The following SORBS2 variants were observed in gnomAD, a reference collection of about 807,000 sequenced individuals.
SORBS2 encodes sorbin and SH3 domain containing 2, also known as sorbin and SH3 domain-containing protein 2.
A neutral mutation model predicts 97.7 loss-of-function variants in SORBS2; 46 were observed. The ratio of observed to expected loss-of-function variants is 0.47; its 90% CI spans 0.37 to 0.60. SORBS2 has a LOEUF of 0.60. Ranked by LOEUF, SORBS2 falls within the 20% of genes least tolerant of loss-of-function variation. The pLI, the probability that SORBS2 is intolerant of heterozygous loss-of-function variation, is 0.00. For missense variants in SORBS2, 1,316 were observed against 1,282.3 expected (o/e 1.03, Z -0.40); for synonymous variants, 476 against 473.4 (o/e 1.01, Z -0.07).
intron 2 of SORBS2, among the ~76,000 whole-genome samples, chr4:185,725,655 A>G (rs2098549914): frequency 1.3e-5 from 2 of 152,152 alleles, no homozygotes; most frequent in South Asian, 2.1e-4. Context: ...TTCATATAGT[A>G]CTTATTAATA....
intron 6 of SORBS2, among the ~76,000 whole-genome samples, chr4:185,625,151 C>T (rs2096789749): frequency 6.6e-6 from 1 of 152,126 alleles, no homozygotes; most frequent in South Asian, 2.1e-4. Flanking sequence ...ACGAATTTAC[C>T]TCTTAAATTG....
At chr4:185,751,172 TAAAAAA>T (rs71593649) in intron 2 of SORBS2, among the ~76,000 whole-genome samples, 1 of 31,706 alleles carries the variant, frequency 3.2e-5, no homozygotes, top group African/African-American at 1.1e-4. Flanking sequence ...CTCTAAATAC[TAAAAAA>T]AAAAAAAAAA....
At chr4:185,879,170 C>A (rs1337127217) in intron 1 of SORBS2, among the ~76,000 whole-genome samples, 9 of 98,748 alleles carry the variant, frequency 9.1e-5, no homozygotes, top group Non-Finnish European at 1.4e-4. Context: ...ATCCCTCCCC[C>A]CCCCCCACCC....
intron 1 of SORBS2, among the ~76,000 whole-genome samples, chr4:185,783,955 C>T (rs2099043661): frequency 6.6e-6 from 1 of 152,188 alleles, no homozygotes; most frequent in Admixed American, 6.5e-5. Context: ...CCTTCTGCCT[C>T]CTGAGGATCC....
At chr4:185,731,437 G>T (rs1273996212) in intron 2 of SORBS2, among the ~76,000 whole-genome samples, 1 of 145,016 alleles carries the variant, frequency 6.9e-6, no homozygotes, top group Non-Finnish European at 1.5e-5. Context: ...CTTTTAGAAA[G>T]TGTTCTCTCC....
chr4:185,882,488 A>G (rs1361558137), intron 1 of SORBS2, among the ~76,000 whole-genome samples: 1 of 152,196 alleles, frequency 6.6e-6, no homozygotes, highest in Admixed American at 6.5e-5. Flanking sequence ...AGAAGACTCA[A>G]TATTGTTAAG....
At chr4:185,650,520 A>T (rs184518088) in intron 2 of SORBS2, among the ~76,000 whole-genome samples, 2 of 152,230 alleles carry the variant, frequency 1.3e-5, no homozygotes, top group Non-Finnish European at 2.9e-5. Context: ...GTACAAAGTA[A>T]TATATCACTG....
intron 1 of SORBS2, among the ~76,000 whole-genome samples, chr4:185,786,648 G>A (rs1476754483): frequency 6.6e-6 from 1 of 152,164 alleles, no homozygotes; most frequent in Non-Finnish European, 1.5e-5. Context: ...ATCTCCCTGA[G>A]CCTGGATTTC....
chr4:185,723,193 G>C (rs2098529569), intron 2 of SORBS2, among the ~76,000 whole-genome samples: 1 of 152,140 alleles, frequency 6.6e-6, no homozygotes, highest in African/African-American at 2.4e-5. Flanking sequence ...TATCGTATTT[G>C]GGGCACAACT....
At chr4:185,695,327 T>C (rs2098160981) in intron 2 of SORBS2, among the ~76,000 whole-genome samples, 1 of 152,162 alleles carries the variant, frequency 6.6e-6, no homozygotes, top group South Asian at 2.1e-4. Flanking sequence ...TGTATGAAAC[T>C]ACAGGACTGA....
At chr4:185,791,221 CA>C (rs1446891078) in intron 1 of SORBS2, among the ~76,000 whole-genome samples, 1 of 152,024 alleles carries the variant, frequency 6.6e-6, no homozygotes, top group East Asian at 1.9e-4. Flanking sequence ...ATAAATTTAC[CA>C]CCTACATAAG....
At chr4:185,766,513 TCACATA>T (rs2098934878) in intron 2 of SORBS2, among the ~76,000 whole-genome samples, 1 of 59,704 alleles carries the variant, frequency 1.7e-5, no homozygotes, top group Non-Finnish European at 3.5e-5. Context: ...AATTGTATAT[TCACATA>T]TTTTTGTAAT....
At position 185,623,146 on chromosome 4, in the gene SORBS2, C is replaced by A. The variant is rs1238058295; in HGVS notation, c.1983G>T (p.Leu661=). The A allele has an allele frequency of 6.2e-7, 1 of 1,614,136 alleles. No individual in the cohort carries two copies. Residue 661 remains leucine, a synonymous_variant, in exon 7 of 15, where the codon CTG becomes CTT. Transcript: ENST00000418609. The surrounding 1 kb of genome is among the most constrained non-coding windows in gnomAD (Gnocchi z 6.4). ...GCAGCAGCTCACTGATGAGGCGGTG[C>A]AGGATGCTGTTGTCCGGCAAGCTCC...
intron 2 of SORBS2, among the ~76,000 whole-genome samples, chr4:185,681,088 C>T (rs375889356): frequency 2.0e-4 from 30 of 152,182 alleles, no homozygotes; most frequent in African/African-American, 7.0e-4. Flanking sequence ...GCCATTGAGT[C>T]GAACTTCAGG....
intron 11 of SORBS2, among the ~76,000 whole-genome samples, chr4:185,613,107 G>A (rs2096567422): frequency 6.6e-6 from 1 of 152,202 alleles, no homozygotes; most frequent in Admixed American, 6.5e-5. Flanking sequence ...AAGTAGGCAG[G>A]CAAGTTGATG....
intron 1 of SORBS2, among the ~76,000 whole-genome samples, chr4:185,873,758 G>A (rs192390560): frequency 7.9e-5 from 12 of 152,262 alleles, no homozygotes; most frequent in Admixed American, 7.2e-4. Context: ...CTAGAATAAT[G>A]TGTAAGAAAT....
chr4:185,767,614 G>A (rs1162576659), intron 2 of SORBS2, among the ~76,000 whole-genome samples: 2 of 151,776 alleles, frequency 1.3e-5, no homozygotes, highest in African/African-American at 4.8e-5. Flanking sequence ...AATTATAGGT[G>A]CAATTATTTT....
At chr4:185,910,522 G>A (rs1010790986) in intron 1 of SORBS2, among the ~76,000 whole-genome samples, 1 of 152,058 alleles carries the variant, frequency 6.6e-6, no homozygotes, top group Non-Finnish European at 1.5e-5. Context: ...CATGGCTTCT[G>A]GTATGAAACT....
At chr4:185,628,586 T>C (rs1160572649) in intron 5 of SORBS2, among the ~76,000 whole-genome samples, 1 of 152,172 alleles carries the variant, frequency 6.6e-6, no homozygotes, top group Non-Finnish European at 1.5e-5. Flanking sequence ...ACTCTGTCTC[T>C]ACAGAAAATA....
Sources: allele counts gnomAD v4.1 joint callset (sites outside exome capture counted in the v4.1 genomes callset), GRCh38; gene constraint gnomAD v4.1.1; non-coding constraint Gnocchi (gnomAD v3.1); transcripts MANE v1.5; gene names NCBI Gene and HGNC (gene_info 2026-07-23, HGNC 2026-07-21).